The following EYA4 variants were observed in gnomAD, a reference collection of about 807,000 sequenced individuals.
EYA4 encodes the protein protein phosphatase EYA4.
Under a neutral mutation model 87.9 loss-of-function variants are expected in EYA4, and 31 were observed. That is an observed-to-expected ratio of 0.35 (90% confidence interval 0.27 to 0.48). The LOEUF is 0.48. Among genes scored for constraint, EYA4 ranks in the 20% least tolerant of loss-of-function variants. EYA4 has a pLI of 0.99. For missense variants in EYA4, 678 were observed against 761.4 expected, an observed-to-expected ratio of 0.89 and a Z score of 1.29; for synonymous variants, 263 against 270.6, an observed-to-expected ratio of 0.97 and a Z score of 0.28.
intron 1 of EYA4, among the ~76,000 whole-genome samples, chr6:133,267,407 GTC>G (rs1776309574): frequency 6.6e-6 from 1 of 151,014 alleles, no homozygotes; most frequent in African/African-American, 2.4e-5. Context: ...TTGAGACAGA[GTC>G]TCACTCTGTC....
intron 17 of EYA4, 58 bp from the exon 18 acceptor site, chr6:133,522,998 T>C (rs1462427207): frequency 1.4e-6 from 2 of 1,449,742 alleles, no homozygotes; most frequent in Non-Finnish European, 1.9e-6. Context: ...CAATTTTAAA[T>C]CTATTAGAAG....
intron 2 of EYA4, among the ~76,000 whole-genome samples, chr6:133,363,760 C>T (rs1784645774): frequency 6.6e-6 from 1 of 152,026 alleles, no homozygotes. Context: ...CAGGCGTGAC[C>T]CACCGCGCCC....
At chr6:133,464,498 T>A (rs1456310545) in intron 9 of EYA4, among the ~76,000 whole-genome samples, 1 of 152,150 alleles carries the variant, frequency 6.6e-6, no homozygotes, top group East Asian at 1.9e-4. Context: ...TGCATACCCC[T>A]GCACTTCTAG....
intron 3 of EYA4, among the ~76,000 whole-genome samples, chr6:133,389,287 TC>T (rs1287284646): frequency 6.6e-5 from 10 of 152,106 alleles, no homozygotes; most frequent in Non-Finnish European, 1.5e-4. Context: ...CTGAAGAAGC[TC>T]AGTGCTTTAA....
chr6:133,521,268 G>GAA (rs762689111), intron 17 of EYA4, among the ~76,000 whole-genome samples: 4 of 150,010 alleles, frequency 2.7e-5, no homozygotes, highest in East Asian at 2.0e-4. Context: ...AAATTTACAA[G>GAA]AAAAAAACAA....
chr6:133,301,358 A>G (rs561392330), intron 2 of EYA4, among the ~76,000 whole-genome samples: 1 of 152,280 alleles, frequency 6.6e-6, no homozygotes, highest in South Asian at 2.1e-4. Context: ...TTGGCTGGTG[A>G]GTTTTTCCTT....
intron 2 of EYA4, among the ~76,000 whole-genome samples, chr6:133,339,860 G>A (rs1454032800): frequency 1.3e-5 from 2 of 152,168 alleles, no homozygotes; most frequent in East Asian, 3.8e-4. Flanking sequence ...CTGACTTTGA[G>A]GCAGCGAAGG....
At chr6:133,288,916 G>A (rs2128293824) in intron 2 of EYA4, among the ~76,000 whole-genome samples, 1 of 152,274 alleles carries the variant, frequency 6.6e-6, no homozygotes, top group African/African-American at 2.4e-5. Flanking sequence ...TGACCAGAAG[G>A]TTACTGGTGG....
rs375451007 is a variant in EYA4, at chr6:133,446,606, C to T, written c.84-24C>T. The T allele has an allele frequency of 1.1e-5, 18 of 1,613,646 alleles. No homozygotes were observed. In the South Asian group the frequency reaches 1.4e-4, roughly 13 times the overall value. ...AATAACTGCTGCAATTTCAACTTTT[C>T]TCTGCTGCTTACTGCTCTACCAGGT... On this transcript the variant is annotated intron_variant, in intron 3 of 19. Coordinates refer to ENST00000355286, the MANE Select transcript of EYA4 (RefSeq NM_004100.5).
intron 11 of EYA4, among the ~76,000 whole-genome samples, chr6:133,473,414 A>G (rs545488718): frequency 7.2e-5 from 11 of 152,230 alleles, no homozygotes; most frequent in African/African-American, 2.6e-4. Flanking sequence ...GAGAAAGGGA[A>G]AATGGTAGGT....
intron 2 of EYA4, among the ~76,000 whole-genome samples, chr6:133,335,522 A>G (rs1782298499): frequency 6.6e-6 from 1 of 152,212 alleles, no homozygotes; most frequent in Admixed American, 6.5e-5. Flanking sequence ...AGAGGGATAA[A>G]GCAAATAACC....
chr6:133,341,806 A>C (rs1372224593), intron 2 of EYA4, among the ~76,000 whole-genome samples: 3 of 151,894 alleles, frequency 2.0e-5, no homozygotes, highest in Non-Finnish European at 2.9e-5. Flanking sequence ...AAGGGGAAAA[A>C]AAAACTTACC....
rs1485897156 is a variant in EYA4, at chr6:133,342,605, A to ATATATATATC, written c.34-39787_34-39786insTATATATATC. Among the ~76,000 whole-genome samples, 141 of 130,430 alleles carry ATATATATATC rather than the reference A, an allele frequency of 1.1e-3. 5 individuals are homozygous for ATATATATATC. The highest frequency in any genetic ancestry group is 4.3e-3 in the African/African-American group (130 of 30,532). The allele number at this position is 130,430 out of a possible 152,430, so 85.6% of individuals were successfully genotyped here. A position where few individuals can be genotyped will look rare whatever the true frequency, so the allele number is the denominator to read the frequency against. On this transcript the variant is annotated intron_variant, in intron 2 of 19. Transcript: ENST00000355286. The stretch of plus-strand genomic sequence containing the variant: ...TATATATATATATATATATATATAT[A>ATATATATATC]ATTCTTTATATTTCTCTGGGCTTAA...
At chr6:133,342,096 T>G (rs1782825513) in intron 2 of EYA4, among the ~76,000 whole-genome samples, 1 of 151,984 alleles carries the variant, frequency 6.6e-6, no homozygotes, top group Admixed American at 6.6e-5. Flanking sequence ...TAAGGGTAAC[T>G]TATGGACCCT....
intron 2 of EYA4, among the ~76,000 whole-genome samples, chr6:133,371,731 A>G (rs1785283245): frequency 6.6e-6 from 1 of 152,182 alleles, no homozygotes; most frequent in Non-Finnish European, 1.5e-5. Context: ...CAGGGGTGGC[A>G]CACATTTTGC....
chr6:133,525,066 CTTATG>C lies in EYA4; in HGVS notation c.1739-85_1739-81del, dbSNP rs727503053. ...GTGTCCAGATTTGGCACTAACATAA[CTTATG>C]TTGTGATTGGAGATGGCCGAGATGA... On this transcript the variant is annotated intron_variant, in intron 18 of 19. Transcript: ENST00000355286. 2.0e-5 allele frequency: 33 copies of C among 1,613,644 alleles called. No homozygotes were observed. The highest frequency in any genetic ancestry group is 2.7e-5 in the Non-Finnish European group (32 of 1,179,698).
intron 13 of EYA4, among the ~76,000 whole-genome samples, chr6:133,491,765 C>T (rs12663242): frequency 0.089 from 13,503 of 151,774 alleles, 1,171 homozygotes; most frequent in African/African-American, 0.21. Flanking sequence ...TCCTAGCTAA[C>T]ATGGTGAAAC....
intron 2 of EYA4, among the ~76,000 whole-genome samples, chr6:133,298,153 C>A (rs1175435843): frequency 6.6e-6 from 1 of 151,972 alleles, no homozygotes; most frequent in Non-Finnish European, 1.5e-5. Context: ...TATTTTGATA[C>A]TCAAATTGTC....
intron 5 of EYA4, among the ~76,000 whole-genome samples, chr6:133,456,214 A>G (rs1793890934): frequency 6.6e-6 from 1 of 152,216 alleles, no homozygotes; most frequent in South Asian, 2.1e-4. Context: ...TATAATTTTA[A>G]TTAAATGTGC....
Sources: gnomAD v4.1 joint callset for allele counts (sites outside exome capture counted in the v4.1 genomes callset) on GRCh38, gnomAD v4.1.1 for gene constraint, MANE v1.5 for transcripts, NCBI Gene and HGNC (gene_info 2026-07-23, HGNC 2026-07-21) for gene names.